FGF12: variants seen among roughly 807,000 people sequenced by gnomAD.
The protein encoded by FGF12 is fibroblast growth factor 12.
In FGF12, 14 loss-of-function variants were observed where a neutral mutation model predicts 23.6. The ratio of observed to expected loss-of-function variants is 0.59; its 90% CI spans 0.39 to 0.93. The LOEUF (loss-of-function observed/expected upper bound fraction) is 0.93. Among genes scored for constraint, FGF12 ranks in the 40% least tolerant of loss-of-function variants. FGF12 has a pLI of 0.00. For synonymous variants in FGF12, 62 were observed against 77.3 expected (o/e 0.80, Z 1.04); for missense variants, 175 against 217.8 (o/e 0.80, Z 1.24).
In FGF12 at chr3:192,409,081, G is replaced by A; in HGVS notation, c.14-48543C>T. 1.6e-6 allele frequency: 1 copy of A among 611,048 alleles called. No homozygotes were observed. The highest frequency in any genetic ancestry group is 2.0e-6 in the Non-Finnish European group (1 of 488,200). The allele number at this position is 611,048 out of a possible 1,614,324, so 37.9% of individuals were successfully genotyped here. A position where few individuals can be genotyped will look rare whatever the true frequency, so the allele number is the denominator to read the frequency against. ...AGAGCGGGAGGCGAGGGAGGGGGGA[G>A]GGCGCGAGGGAGGGAGGGAGATCCT... On this transcript the variant is annotated intron_variant, in intron 2 of 5. Transcript: ENST00000445105. The surrounding 1 kb of genome is among the most constrained non-coding windows in gnomAD (Gnocchi z 4.8).
chr3:192,543,534 C>T (rs749201345), intron 2 of FGF12, among the ~76,000 whole-genome samples: 6 of 152,058 alleles, frequency 3.9e-5, no homozygotes, highest in African/African-American at 7.2e-5. Flanking sequence ...AGCTAAGGAA[C>T]GAAGCTCCCT....
Position 192,142,367 on chromosome 3 carries a change from T to C in FGF12, c.*1642A>G, listed in dbSNP as rs748011491. The C allele has an allele frequency of 1.1e-4, 17 of 152,530 alleles. No homozygotes were observed. Among genetic ancestry groups the C allele is most frequent in the Non-Finnish European group, 2.2e-4 (15 of 67,960 alleles). 9.4% of individuals were successfully genotyped at this position (152,530 alleles called of 1,614,324 possible). A position where few individuals can be genotyped will look rare whatever the true frequency, so the allele number is the denominator to read the frequency against. ...GGGCCTAGAGCTTCTGCAAAGTGTA[T>C]ATATTTTAGGGAGTCATATTTGGAA... On this transcript the variant is annotated 3_prime_UTR_variant, in exon 6 of 6. Coordinates refer to ENST00000445105, the MANE Select transcript of FGF12 (RefSeq NM_004113.6).
At chr3:192,545,816 C>T (rs532829843) in intron 2 of FGF12, among the ~76,000 whole-genome samples, 1 of 152,290 alleles carries the variant, frequency 6.6e-6, no homozygotes, top group African/African-American at 2.4e-5. Flanking sequence ...TAGTGAGCTT[C>T]TTTTTACTTT....
intron 4 of FGF12, among the ~76,000 whole-genome samples, chr3:192,196,088 C>T (rs192354017): frequency 1.3e-5 from 2 of 152,094 alleles, no homozygotes; most frequent in African/African-American, 4.8e-5. Flanking sequence ...TTTATAGATT[C>T]TACATGAGTG....
At chr3:192,641,741 G>A (rs1029244274) in intron 2 of FGF12, among the ~76,000 whole-genome samples, 1 of 152,098 alleles carries the variant, frequency 6.6e-6, no homozygotes, top group Non-Finnish European at 1.5e-5. Flanking sequence ...AAAAGAAAAC[G>A]TTTTTGATTA....
chr3:192,225,104 A>G (rs1472927239), intron 4 of FGF12, among the ~76,000 whole-genome samples: 1 of 152,092 alleles, frequency 6.6e-6, no homozygotes, highest in African/African-American at 2.4e-5. Flanking sequence ...TCACATTAAA[A>G]AAAGTATCAT....
intron 5 of FGF12, among the ~76,000 whole-genome samples, chr3:192,150,941 G>C (rs61424957): frequency 0.27 from 32,840 of 119,432 alleles, 5,066 homozygotes; most frequent in Middle Eastern, 0.36. Context: ...ATTCTTCCTA[G>C]CCATGAGCAT....
intron 3 of FGF12, among the ~76,000 whole-genome samples, chr3:192,344,178 G>A (rs1192591082): frequency 1.3e-5 from 2 of 152,100 alleles, no homozygotes; most frequent in Non-Finnish European, 2.9e-5. Flanking sequence ...AGATCAATGA[G>A]ATAATAAAAA....
chr3:192,382,430 C>T (rs1425801297), intron 2 of FGF12, among the ~76,000 whole-genome samples: 2 of 152,130 alleles, frequency 1.3e-5, no homozygotes, highest in African/African-American at 4.8e-5. Context: ...ACCTAAACAC[C>T]ATTGCACAAA....
intron 2 of FGF12, among the ~76,000 whole-genome samples, chr3:192,513,008 A>G (rs1724538238): frequency 6.6e-6 from 1 of 151,334 alleles, no homozygotes; most frequent in South Asian, 2.1e-4. Context: ...TAACCCTTCT[A>G]TTTGGATCTA....
At chr3:192,511,255 C>T (rs1724463432) in intron 2 of FGF12, among the ~76,000 whole-genome samples, 1 of 142,426 alleles carries the variant, frequency 7.0e-6, no homozygotes, top group Non-Finnish European at 1.5e-5. Flanking sequence ...ACACACACAC[C>T]TGCTACTATT....
intron 2 of FGF12, among the ~76,000 whole-genome samples, chr3:192,645,461 TAAG>T (rs1275792727): frequency 6.6e-6 from 1 of 152,066 alleles, no homozygotes; most frequent in South Asian, 2.1e-4. Flanking sequence ...GCTTAGGTAG[TAAG>T]AAGAATTTTT....
intron 2 of FGF12, among the ~76,000 whole-genome samples, chr3:192,622,790 AC>A (rs1436761223): frequency 6.6e-6 from 1 of 152,150 alleles, no homozygotes; most frequent in East Asian, 1.9e-4. Flanking sequence ...ACACACTTAC[AC>A]ACAGACACAG....
At chr3:192,316,578 G>T (rs1168958806) in intron 4 of FGF12, among the ~76,000 whole-genome samples, 1 of 152,226 alleles carries the variant, frequency 6.6e-6, no homozygotes, top group Non-Finnish European at 1.5e-5. Flanking sequence ...ACCAGCCCTA[G>T]CCAGAGGTGA....
chr3:192,312,861 T>C (rs1241930307), intron 4 of FGF12, among the ~76,000 whole-genome samples: 1 of 152,176 alleles, frequency 6.6e-6, no homozygotes, highest in East Asian at 1.9e-4. Flanking sequence ...TAACGTATAG[T>C]GTTTGCCTTT....
At chr3:192,722,821 G>C (rs1719081200) in intron 2 of FGF12, among the ~76,000 whole-genome samples, 1 of 152,194 alleles carries the variant, frequency 6.6e-6, no homozygotes, top group South Asian at 2.1e-4. Flanking sequence ...TATTAGTGAA[G>C]ATAGAAGAGT....
chr3:192,618,034 T>C (rs1714828184), intron 2 of FGF12, among the ~76,000 whole-genome samples: 1 of 151,792 alleles, frequency 6.6e-6, no homozygotes, highest in Non-Finnish European at 1.5e-5. Flanking sequence ...AGAATTGAGG[T>C]TGACTAACAA....
At chr3:192,443,607 A>G (rs989863737) in intron 2 of FGF12, among the ~76,000 whole-genome samples, 61 of 152,322 alleles carry the variant, frequency 4.0e-4, no homozygotes, top group African/African-American at 1.4e-3. Flanking sequence ...TTTTGGCTCA[A>G]TATTTAAAAT....
chr3:192,385,483 T>C (rs1162797383), intron 2 of FGF12, among the ~76,000 whole-genome samples: 1 of 152,086 alleles, frequency 6.6e-6, no homozygotes, highest in Non-Finnish European at 1.5e-5. Flanking sequence ...AAAATTATGT[T>C]TTCCTAATTC....
Sources: allele counts gnomAD v4.1 joint callset (sites outside exome capture counted in the v4.1 genomes callset), GRCh38; gene constraint gnomAD v4.1.1; non-coding constraint Gnocchi (gnomAD v3.1); transcripts MANE v1.5; gene names NCBI Gene and HGNC (gene_info 2026-07-23, HGNC 2026-07-21).